Variants in PDS5A observed in about 807,000 individuals in gnomAD.
PDS5A encodes the protein PDS5 cohesin associated factor A.
In PDS5A, 42 loss-of-function variants were observed where a neutral mutation model predicts 167.1. That is an observed-to-expected ratio of 0.25 (90% CI 0.20 to 0.33). The LOEUF (loss-of-function observed/expected upper bound fraction) is 0.33, where lower values mean the gene tolerates loss of function less well. Ranked by LOEUF, PDS5A falls within the 10% of genes least tolerant of loss-of-function variation. PDS5A has a pLI of 1.00. For missense variants in PDS5A, 1,033 were observed against 1,605.9 expected, an observed-to-expected ratio of 0.64 and a Z score of 6.10; for synonymous variants, 553 against 554.6, an observed-to-expected ratio of 1.00 and a Z score of 0.04.
intron 11 of PDS5A, among the ~76,000 whole-genome samples, chr4:39,907,877 C>T (rs1327460171): frequency 7.9e-5 from 12 of 152,274 alleles, no homozygotes; most frequent in East Asian, 1.9e-4. Context: ...TGAGCCACCG[C>T]GCCCGGCAAT....
intron 25 of PDS5A, 60 bp downstream of exon 25, chr4:39,862,809 A>G: frequency 9.3e-7 from 1 of 1,075,322 alleles, no homozygotes; most frequent in South Asian, 1.4e-5. Context: ...GAAAAAAAAA[A>G]CCTAAAAATG....
intron 2 of PDS5A, among the ~76,000 whole-genome samples, chr4:39,944,060 C>A (rs1727501292): frequency 1.3e-5 from 2 of 151,096 alleles, no homozygotes; most frequent in Non-Finnish European, 2.9e-5. Flanking sequence ...CACCTGTAGT[C>A]CCAGCTACTC....
chr4:39,931,179 T>G (rs952307581), intron 2 of PDS5A, among the ~76,000 whole-genome samples: 23 of 151,598 alleles, frequency 1.5e-4, no homozygotes, highest in African/African-American at 5.6e-4. Context: ...AACCTCCACC[T>G]CCCAGGCTCA....
intron 16 of PDS5A, among the ~76,000 whole-genome samples, chr4:39,894,333 T>G (rs1445595998): frequency 6.6e-6 from 1 of 151,664 alleles, no homozygotes; most frequent in Non-Finnish European, 1.5e-5. Context: ...ATTTGAGCCC[T>G]AGATGCAGAG....
At chr4:39,908,980 A>C (rs1723633521) in intron 10 of PDS5A, 1 of 153,646 alleles carries the variant, frequency 6.5e-6, no homozygotes, top group African/African-American at 2.4e-5. Context: ...TCAAGGCTGC[A>C]GTGAGCCAAT....
At chr4:39,898,937 T>G in intron 14 of PDS5A, 112 bp from the exon 15 acceptor site, 1 of 695,362 alleles carries the variant, frequency 1.4e-6, no homozygotes, top group Non-Finnish European at 2.5e-6. Context: ...AAAAATAAAG[T>G]TCATCACAGT....
chr4:39,957,730 T>A (rs981465150), intron 2 of PDS5A, among the ~76,000 whole-genome samples: 5 of 137,252 alleles, frequency 3.6e-5, no homozygotes, highest in Non-Finnish European at 6.1e-5. Flanking sequence ...GAGCTTGCAG[T>A]GAGCTGAGAC....
At chr4:39,955,286 G>C (rs1420051319) in intron 2 of PDS5A, among the ~76,000 whole-genome samples, 2 of 152,094 alleles carry the variant, frequency 1.3e-5, no homozygotes, top group African/African-American at 4.8e-5. Context: ...GAGTGATAAT[G>C]TTGTGATGTT....
intron 21 of PDS5A, among the ~76,000 whole-genome samples, chr4:39,871,767 A>G (rs1720054814): frequency 6.6e-6 from 1 of 152,130 alleles, no homozygotes; most frequent in South Asian, 2.1e-4. Context: ...GCAATGGTGC[A>G]ATCTTGGCTC....
intron 32 of PDS5A, among the ~76,000 whole-genome samples, chr4:39,826,019 A>C (rs1715272506): frequency 6.6e-6 from 1 of 152,182 alleles, no homozygotes; most frequent in African/African-American, 2.4e-5. Context: ...TTTTGTTTTC[A>C]ATGACTTAGT....
intron 26 of PDS5A, among the ~76,000 whole-genome samples, chr4:39,856,676 C>T (rs546668118): frequency 5.3e-5 from 8 of 152,010 alleles, no homozygotes; most frequent in Admixed American, 3.3e-4. Context: ...ATTAGCCAGG[C>T]GTGGTGGCGG....
chr4:39,871,235 T>C (rs1237091359), intron 21 of PDS5A, among the ~76,000 whole-genome samples: 2 of 152,164 alleles, frequency 1.3e-5, no homozygotes, highest in African/African-American at 2.4e-5. Flanking sequence ...AATGTGGCTA[T>C]TATGTTAGTG....
chr4:39,854,741 T>C (rs1170142397), intron 26 of PDS5A, among the ~76,000 whole-genome samples: 1 of 152,198 alleles, frequency 6.6e-6, no homozygotes, highest in Non-Finnish European at 1.5e-5. Flanking sequence ...ATATTCATAT[T>C]ACATAACCTC....
intron 2 of PDS5A, among the ~76,000 whole-genome samples, chr4:39,961,207 G>T (rs1379218454): frequency 6.6e-6 from 1 of 152,054 alleles, no homozygotes; most frequent in Non-Finnish European, 1.5e-5. Flanking sequence ...TATAATCTTG[G>T]ATTTCATATA....
rs147150555 is a variant in PDS5A, at chr4:39,948,615, G to A, written c.139-20451C>T. Among the ~76,000 whole-genome samples, 956 of 143,268 alleles carry A rather than the reference G, an allele frequency of 6.7e-3. 4 individuals are homozygous for A. The highest frequency in any genetic ancestry group is 0.012 in the Middle Eastern group (3 of 250). The allele number at this position is 143,268 out of a possible 152,430, so 94.0% of individuals were successfully genotyped here. On this transcript the variant is annotated intron_variant, in intron 2 of 32. Transcript: ENST00000303538. ...TGGGATTACACGTGTGAGCTACCAC[G>A]CCTGGATTTTTTTTTTTTTTTTTTT...
chr4:39,970,701 A>C (rs1326044833), intron 2 of PDS5A, among the ~76,000 whole-genome samples: 1 of 150,552 alleles, frequency 6.6e-6, no homozygotes, highest in Non-Finnish European at 1.5e-5. Context: ...CCTAACTTTC[A>C]TTATCTGTGA....
intron 2 of PDS5A, chr4:39,973,715 C>T: frequency 7.8e-7 from 1 of 1,288,424 alleles, no homozygotes; most frequent in Non-Finnish European, 1.1e-6. Flanking sequence ...GCTCACTTCA[C>T]TAACCAGCAT....
chr4:39,882,737 C>T (rs554200364), intron 17 of PDS5A, among the ~76,000 whole-genome samples: 7 of 152,078 alleles, frequency 4.6e-5, no homozygotes, highest in South Asian at 2.1e-4. Context: ...GAGCTATAAG[C>T]GAAAGAGCAA....
At chr4:39,873,615 A>G (rs558122834) in intron 20 of PDS5A, among the ~76,000 whole-genome samples, 3 of 152,174 alleles carry the variant, frequency 2.0e-5, no homozygotes, top group Non-Finnish European at 4.4e-5. Context: ...TGTAAAAAAA[A>G]GGGAAACAGG....
Sources: gnomAD v4.1 joint callset for allele counts (sites outside exome capture counted in the v4.1 genomes callset) on GRCh38, gnomAD v4.1.1 for gene constraint, MANE v1.5 for transcripts, NCBI Gene and HGNC (gene_info 2026-07-23, HGNC 2026-07-21) for gene names.